NTRK2: variants seen among roughly 807,000 people sequenced by gnomAD.
NTRK2 encodes the protein BDNF/NT-3 growth factors receptor.
Under a neutral mutation model 94.5 loss-of-function variants are expected in NTRK2, and 13 were observed. The ratio of observed to expected loss-of-function variants is 0.14; its 90% CI spans 0.09 to 0.22. The LOEUF is 0.22. NTRK2 is among the 10% of genes least tolerant of loss of function. The probability of loss-of-function intolerance (pLI) is 1.00; values close to 1 mark genes in which losing one functional copy is unlikely to be tolerated. For missense variants in NTRK2, 639 were observed against 1,071.2 expected (o/e 0.60, Z 5.63); for synonymous variants, 372 against 407.4 (o/e 0.91, Z 1.05).
At position 84,695,716 on chromosome 9, in the gene NTRK2, A is replaced by G. The variant is rs556017100; in HGVS notation, c.213-6443A>G. ...TGAGCTCAATGCCCTTTCTCCTTTTAAGCCTTCACTGACCTGCCCAATTAT... is the reference window on the plus strand; with the variant it reads ...TGAGCTCAATGCCCTTTCTCCTTTTGAGCCTTCACTGACCTGCCCAATTAT... On this transcript the variant is annotated intron_variant, in intron 2 of 18. Coordinates refer to ENST00000277120, the MANE Select transcript of NTRK2 (RefSeq NM_006180.6). Among the ~76,000 whole-genome samples the G allele has an allele frequency of 4.3e-3, 651 of 152,340 alleles. 5 individuals carry two copies. The highest frequency in any genetic ancestry group is 6.9e-3 in the Non-Finnish European group (467 of 68,028).
At chr9:84,842,248 T>G (rs1424028525) in intron 12 of NTRK2, among the ~76,000 whole-genome samples, 4 of 152,200 alleles carry the variant, frequency 2.6e-5, no homozygotes, top group Non-Finnish European at 5.9e-5. Flanking sequence ...CCTCTCTATC[T>G]GCACTTCCTT....
intron 14 of NTRK2, among the ~76,000 whole-genome samples, chr9:84,911,330 T>A (rs2077229678): frequency 6.6e-6 from 1 of 152,190 alleles, no homozygotes; most frequent in African/African-American, 2.4e-5. Flanking sequence ...CCACTTCTGC[T>A]TCCTGGATGA....
chr9:84,996,986 A>G (rs4510940), intron 17 of NTRK2, among the ~76,000 whole-genome samples: 110,962 of 152,072 alleles, frequency 0.73, 41,126 homozygotes, highest in African/African-American at 0.82. Context: ...TACGGCCCGT[A>G]TGCAGAGTCA....
intron 17 of NTRK2, among the ~76,000 whole-genome samples, chr9:84,980,529 T>A (rs968576920): frequency 6.6e-6 from 1 of 152,244 alleles, no homozygotes; most frequent in Admixed American, 6.5e-5. Context: ...CTCTGTTACA[T>A]CCAGCCTTGA....
chr9:84,730,668 G>A (rs1187272204), intron 9 of NTRK2, among the ~76,000 whole-genome samples: 1 of 126,736 alleles, frequency 7.9e-6, no homozygotes, highest in Admixed American at 7.8e-5. Flanking sequence ...GTGAACCCGG[G>A]AGGCGGAGCT....
At chr9:84,944,411 A>ATTAC (rs2078526952) in intron 15 of NTRK2, among the ~76,000 whole-genome samples, 1 of 151,950 alleles carries the variant, frequency 6.6e-6, no homozygotes, top group Non-Finnish European at 1.5e-5. Flanking sequence ...TACAGGTGTG[A>ATTAC]GCCACCATGC....
intron 2 of NTRK2, among the ~76,000 whole-genome samples, chr9:84,683,195 T>C (rs1386429356): frequency 6.6e-6 from 1 of 152,184 alleles, no homozygotes; most frequent in Non-Finnish European, 1.5e-5. Context: ...TTATTTTACT[T>C]TAAGTTCCGG....
intron 16 of NTRK2, among the ~76,000 whole-genome samples, chr9:84,953,009 G>A (rs1255949293): frequency 6.6e-6 from 1 of 152,112 alleles, no homozygotes; most frequent in Non-Finnish European, 1.5e-5. Flanking sequence ...AATTCTGACC[G>A]AGTCTCTGGG....
rs1333078397 is a variant in NTRK2, at chr9:84,867,343, T to C, written c.1545T>C (p.Asp515=). Residue 515 remains aspartate (D), a synonymous_variant, in exon 14 of 19, where the codon GAT becomes GAC. Transcript: ENST00000277120. The part of the protein sequence containing the change: ...NTPSSSEGGP[D]AVIIGMTKIP... ...CATCTTCTTCGGAAGGTGGCCCAGA[T>C]GCTGTCATTATTGGAATGACCAAGA... is the stretch of plus-strand genomic sequence containing the variant. The C allele has an allele frequency of 6.2e-7, 1 of 1,614,004 alleles. No individual in the cohort carries two copies. The highest frequency in any genetic ancestry group is 1.3e-5 in the African/African-American group (1 of 74,916).
At chr9:85,018,861 C>T (rs944823603) in intron 17 of NTRK2, among the ~76,000 whole-genome samples, 1 of 152,098 alleles carries the variant, frequency 6.6e-6, no homozygotes, top group African/African-American at 2.4e-5. Context: ...AAATCTAAGG[C>T]CAATGGAAGC....
chr9:84,997,842 T>G (rs1251777336), intron 17 of NTRK2, among the ~76,000 whole-genome samples: 2 of 152,148 alleles, frequency 1.3e-5, no homozygotes, highest in African/African-American at 4.8e-5. Context: ...TCTTGTGGCT[T>G]AACCCCCTCG....
At chr9:84,785,535 A>C (rs1464669198) in intron 12 of NTRK2, among the ~76,000 whole-genome samples, 1 of 152,184 alleles carries the variant, frequency 6.6e-6, no homozygotes, top group Non-Finnish European at 1.5e-5. Context: ...CTCATTTTCC[A>C]GAAGAAGGGC....
intron 12 of NTRK2, among the ~76,000 whole-genome samples, chr9:84,807,789 C>T (rs940635346): frequency 7.9e-5 from 12 of 152,022 alleles, no homozygotes; most frequent in African/African-American, 2.7e-4. Flanking sequence ...ATAGGTAAAT[C>T]GTGGCCTGGA....
In NTRK2 at chr9:84,699,606, T is replaced by G. The variant is rs78602280; in HGVS notation, c.213-2553T>G. ...TTACCATTGACCAAATTTATCCTCA[T>G]CTCCTTCTTTCTTGGACACTGGTGA... On this transcript the variant is annotated intron_variant, in intron 2 of 18. Coordinates refer to ENST00000277120, the MANE Select transcript of NTRK2 (RefSeq NM_006180.6). 3.0e-3 allele frequency among the ~76,000 whole-genome samples: 453 copies of G among 152,058 alleles called. 15 individuals carry two copies. The East Asian group carries it at 0.065, about 22-fold the overall frequency.
intron 2 of NTRK2, among the ~76,000 whole-genome samples, chr9:84,671,641 T>C (rs761047421): frequency 6.6e-6 from 1 of 152,224 alleles, no homozygotes; most frequent in Non-Finnish European, 1.5e-5. Flanking sequence ...GATATGATTT[T>C]GAGACCACTT....
intron 12 of NTRK2, among the ~76,000 whole-genome samples, chr9:84,818,912 C>A (rs868590162): frequency 6.6e-6 from 1 of 152,178 alleles, no homozygotes; most frequent in Non-Finnish European, 1.5e-5. Context: ...GGCAGAGCAG[C>A]GTCGGAGCTG....
At chr9:85,010,213 T>C (rs537796786) in intron 17 of NTRK2, among the ~76,000 whole-genome samples, 1 of 152,344 alleles carries the variant, frequency 6.6e-6, no homozygotes, top group East Asian at 1.9e-4. Context: ...TATTAGCCTG[T>C]CTGAGTAACT....
intron 13 of NTRK2, among the ~76,000 whole-genome samples, chr9:84,863,294 G>A (rs773999353): frequency 1.3e-5 from 2 of 152,302 alleles, no homozygotes; most frequent in Admixed American, 6.5e-5. Flanking sequence ...AGTACAGGAT[G>A]TGTGACCAAG....
intron 14 of NTRK2, among the ~76,000 whole-genome samples, chr9:84,915,355 C>T (rs756493743): frequency 1.3e-5 from 2 of 152,168 alleles, no homozygotes; most frequent in African/African-American, 2.4e-5. Flanking sequence ...TGTGGGGATG[C>T]GGCCCTCATG....
Sources: gnomAD v4.1 joint callset for allele counts (sites outside exome capture counted in the v4.1 genomes callset) on GRCh38, gnomAD v4.1.1 for gene constraint, MANE v1.5 for transcripts, NCBI Gene and HGNC (gene_info 2026-07-23, HGNC 2026-07-21) for gene names.